Variants in VPS37B observed in about 807,000 individuals in gnomAD.
VPS37B encodes VPS37B subunit of ESCRT-I.
In VPS37B, 11 loss-of-function variants were observed where a neutral mutation model predicts 21.2. The ratio of observed to expected loss-of-function variants is 0.52; its 90% CI spans 0.33 to 0.86. The LOEUF (loss-of-function observed/expected upper bound fraction) is 0.86. VPS37B is among the 40% of genes least tolerant of loss of function. The pLI is 0.03. For missense variants in VPS37B, 389 were observed against 374.8 expected (o/e 1.04, Z -0.31); for synonymous variants, 175 against 159.6 (o/e 1.10, Z -0.73).
At position 122,896,041 on chromosome 12, in the gene VPS37B, C is replaced by A. The variant is rs1409947890; in HGVS notation, c.22G>T (p.Ala8Ser). 2 of 1,586,082 alleles carry A rather than the reference C, an allele frequency of 1.3e-6. No individual in the cohort carries two copies. Among genetic ancestry groups the A allele is most frequent in the South Asian group, 1.1e-5 (1 of 89,460 alleles). Residue 8 changes from alanine to serine, a missense_variant, in exon 1 of 4, where the codon GCC becomes TCC. Coordinates refer to ENST00000267202, the MANE Select transcript of VPS37B (RefSeq NM_024667.3). MAGAGSEARFAGLSLVQL... is the reference protein window; with the variant it reads MAGAGSESRFAGLSLVQL... ...ACCAGCGACAGCCCGGCGAACCGGG[C>A]TTCGCTCCCGGCGCCCGCCATCCCC... is the stretch of plus-strand genomic sequence containing the variant.
At chr12:122,876,397 ATATATG>A (rs2034150187) in intron 1 of VPS37B, 1 of 152,210 alleles carries the variant, frequency 6.6e-6, no homozygotes, top group Admixed American at 6.5e-5. Context: ...GCTTACATTA[ATATATG>A]TAACTCTCTC....
intron 1 of VPS37B, chr12:122,884,779 G>T: frequency 6.6e-6 from 1 of 151,788 alleles, no homozygotes; most frequent in South Asian, 2.1e-4. Context: ...AGAGCTTCGG[G>T]TTTTATTGTT....
In VPS37B at chr12:122,867,096, G is replaced by A. The variant is rs199569762; in HGVS notation, c.*20C>T. On this transcript the variant is annotated 3_prime_UTR_variant, in exon 4 of 4. Transcript: ENST00000267202. The surrounding 1 kb of genome is among the most constrained non-coding windows in gnomAD (Gnocchi z 5.5). The stretch of plus-strand genomic sequence containing the variant: ...ACACGCCAGGTGGAAGAAGTCTCCC[G>A]GGAAGGACCGCGCCGGCGCTCACTG... The A allele has an allele frequency of 6.6e-5, 100 of 1,505,320 alleles. No homozygotes were observed. In the East Asian group the frequency reaches 1.6e-3, roughly 25 times the overall value. 93.2% of individuals were successfully genotyped at this position (1,505,320 alleles called of 1,614,324 possible).
intron 2 of VPS37B, chr12:122,869,990 A>C (rs577464048): frequency 1.3e-5 from 2 of 151,196 alleles, no homozygotes; most frequent in East Asian, 3.9e-4. Context: ...GTCTCCTCCT[A>C]ATGGCTGCAA....
At chr12:122,884,503 G>T (rs914865260) in intron 1 of VPS37B, 1 of 152,130 alleles carries the variant, frequency 6.6e-6, no homozygotes, top group Admixed American at 6.5e-5. Flanking sequence ...TGAAATCATA[G>T]AACTATTGTA....
intron 1 of VPS37B, chr12:122,875,699 C>T (rs2034135611): frequency 6.6e-6 from 1 of 152,262 alleles, no homozygotes; most frequent in Admixed American, 6.5e-5. Context: ...GCATACACCA[C>T]TCAGCAAGGC....
intron 2 of VPS37B, 158 bp downstream of exon 2, chr12:122,870,728 AAAAT>A (rs1397654614): frequency 6.8e-6 from 5 of 736,664 alleles, no homozygotes; most frequent in East Asian, 3.0e-5. Flanking sequence ...CCTGTCTCTA[AAAAT>A]AAATAAATAA....
intron 1 of VPS37B, among the ~76,000 whole-genome samples, chr12:122,890,646 C>T (rs374639215): frequency 3.9e-5 from 6 of 152,130 alleles, no homozygotes; most frequent in African/African-American, 1.4e-4. Flanking sequence ...TTCTTATTCT[C>T]TTTTTCAAAA....
intron 1 of VPS37B, chr12:122,888,464 G>A: frequency 2.3e-6 from 1 of 443,440 alleles, no homozygotes; most frequent in Non-Finnish European, 4.6e-6. Context: ...CTGAGCGCCA[G>A]TGATTACCTA....
At position 122,867,683 on chromosome 12, in the gene VPS37B, G is replaced by A. The variant is rs549706931; in HGVS notation, c.367-76C>T. On this transcript the variant is annotated intron_variant, in intron 3 of 3. Coordinates refer to ENST00000267202, the MANE Select transcript of VPS37B (RefSeq NM_024667.3). This position sits in a 1 kb window ranked among gnomAD's most constrained non-coding sequence, Gnocchi z 5.5. ...TCCCTTCGTGGTCTAGGCACAAGGA[G>A]AGGCAACGCCCAGCTGCTTCCAACA... is the stretch of plus-strand genomic sequence containing the variant. The A allele has an allele frequency of 1.5e-4, 246 of 1,588,598 alleles. 1 individual carries two copies. The African/African-American group carries it at 2.9e-3, about 18-fold the overall frequency.
Position 122,867,257 on chromosome 12 carries a change from C to T in VPS37B, c.717G>A (p.Gln239=). 1 of 1,559,898 alleles carries T rather than the reference C, an allele frequency of 6.4e-7. No individual in the cohort carries two copies. The highest frequency in any genetic ancestry group is 8.6e-7 in the Non-Finnish European group (1 of 1,159,630). Residue 239 remains glutamine (Q), a synonymous_variant, in exon 4 of 4, where the codon CAG becomes CAA. Transcript: ENST00000267202. This position sits in a 1 kb window ranked among gnomAD's most constrained non-coding sequence, Gnocchi z 5.5. The part of the protein sequence containing the change: ...SGQAVPYPGL[Q]CPPLPPRVGL... ...CCACGCGGGGGGGCAGGGGCGGGCA[C>T]TGTAATCCTGGGTACGGCACGGCCT...
At chr12:122,890,718 G>A (rs763296584) in intron 1 of VPS37B, among the ~76,000 whole-genome samples, 3 of 152,190 alleles carry the variant, frequency 2.0e-5, no homozygotes, top group Non-Finnish European at 4.4e-5. Flanking sequence ...ACAGTTGACA[G>A]TTCAGTGGCA....
chr12:122,865,642 G>C lies in VPS37B; in HGVS notation c.*1474C>G, dbSNP rs1287766123. On this transcript the variant is annotated 3_prime_UTR_variant, in exon 4 of 4. Coordinates refer to ENST00000267202, the MANE Select transcript of VPS37B (RefSeq NM_024667.3). Reference sequence around the variant, plus strand: ...AACAGTTACAGTAGAGTTCAAGTCCGAGAGCAGGAATGTACGGTCACTGAG... The same window carrying C: ...AACAGTTACAGTAGAGTTCAAGTCCCAGAGCAGGAATGTACGGTCACTGAG... The C allele has an allele frequency of 1.3e-5, 2 of 152,300 alleles. No individual in the cohort carries two copies. Among genetic ancestry groups the C allele is most frequent in the African/African-American group, 4.8e-5 (2 of 41,474 alleles). The allele number at this position is 152,300 out of a possible 1,614,324, so 9.4% of individuals were successfully genotyped here.
chr12:122,885,575 A>C (rs1052299216), intron 1 of VPS37B: 1 of 152,104 alleles, frequency 6.6e-6, no homozygotes, highest in Admixed American at 6.5e-5. Context: ...TGCTTTGTTA[A>C]CAGTGTTTAT....
At chr12:122,880,426 C>A (rs896011074) in intron 1 of VPS37B, 7 of 152,144 alleles carry the variant, frequency 4.6e-5, no homozygotes, top group African/African-American at 1.7e-4. Context: ...CACAAGCTGG[C>A]TTTGTGCGAC....
chr12:122,877,096 T>C (rs1433756719), intron 1 of VPS37B: 1 of 152,224 alleles, frequency 6.6e-6, no homozygotes, highest in Admixed American at 6.5e-5. Flanking sequence ...ATCTTCTTCA[T>C]GGAAAGATAC....
At position 122,868,499 on chromosome 12, in the gene VPS37B, T is replaced by C. The variant is rs1566122958; in HGVS notation, c.347A>G (p.Lys116Arg). Reference protein sequence around the residue: ...LLALLQAEGAKIEEDTENMAE... With the variant: ...LLALLQAEGARIEEDTENMAE... ...CTTTACCTCAGTGTCTTCCTCAATC[T>C]TGGCCCCTTCTGCCTGAAGAAGTGC... The change falls in exon 3 of 4, where the codon AAG (lysine) becomes AGG (arginine). Residue 116 changes from lysine to arginine, a missense_variant. Transcript: ENST00000267202. This position sits in a 1 kb window ranked among gnomAD's most constrained non-coding sequence, Gnocchi z 5.5. 1.2e-6 allele frequency: 2 copies of C among 1,613,586 alleles called. No homozygotes were observed. Among genetic ancestry groups the C allele is most frequent in the East Asian group, 2.2e-5 (1 of 44,872 alleles).
At chr12:122,875,058 G>T (rs894384842) in intron 1 of VPS37B, 3 of 148,428 alleles carry the variant, frequency 2.0e-5, no homozygotes, top group African/African-American at 5.0e-5. Flanking sequence ...ATATAAATAC[G>T]ATAACTTTTT....
At chr12:122,872,193 G>A in intron 1 of VPS37B, 6 of 985,368 alleles carry the variant, frequency 6.1e-6, no homozygotes, top group Non-Finnish European at 7.2e-6. Flanking sequence ...ATAGTTCCTG[G>A]TGCGCTCACA....
Sources: gnomAD v4.1 joint callset for allele counts (sites outside exome capture counted in the v4.1 genomes callset) on GRCh38, gnomAD v4.1.1 for gene constraint, Gnocchi (gnomAD v3.1) non-coding constraint, MANE v1.5 for transcripts, NCBI Gene and HGNC (gene_info 2026-07-23, HGNC 2026-07-21) for gene names.